The following CCDC57 variants were observed in gnomAD, a reference collection of about 807,000 sequenced individuals.
CCDC57 encodes coiled-coil domain-containing protein 57.
CCDC57 carries 118 observed loss-of-function variants against 118.9 expected under a neutral mutation model. The ratio of observed to expected loss-of-function variants is 0.99; its 90% CI spans 0.86 to 1.16. The LOEUF (loss-of-function observed/expected upper bound fraction) is 1.16, where lower values mean the gene tolerates loss of function less well. Among genes scored for constraint, CCDC57 ranks in the 50% most tolerant of loss-of-function variants. The pLI is 0.00. For synonymous variants in CCDC57, 527 were observed against 532.9 expected (o/e 0.99, Z 0.15); for missense variants, 1,300 against 1,320.7 (o/e 0.98, Z 0.24).
At chr17:82,138,634 A>AGTGGGAAGAGACGCATGGCCTGCCCCGG (rs2039590549) in intron 16 of CCDC57, among the ~76,000 whole-genome samples, 1 of 108,244 alleles carries the variant, frequency 9.2e-6, no homozygotes, top group African/African-American at 3.2e-5. Flanking sequence ...AAGACTGCCG[A>AGTGGGAAGAGACGCATGGCCTGCCCCGG]GTCGGAAGAG....
intron 2 of CCDC57, among the ~76,000 whole-genome samples, chr17:82,206,110 G>A (rs977401919): frequency 1.8e-4 from 27 of 152,226 alleles, no homozygotes; most frequent in Admixed American, 1.2e-3. Context: ...AGAAGCCGCC[G>A]GGGAGGGAAG....
chr17:82,123,982 CA>C (rs200031813), intron 19 of CCDC57, among the ~76,000 whole-genome samples: 1,687 of 64,356 alleles, frequency 0.026, 9 homozygotes, highest in East Asian at 0.1. Flanking sequence ...CATCCAAAAG[CA>C]AAAAAAAAAA....
At chr17:82,191,010 C>G (rs1172316037) in intron 7 of CCDC57, among the ~76,000 whole-genome samples, 1 of 151,828 alleles carries the variant, frequency 6.6e-6, no homozygotes, top group Non-Finnish European at 1.5e-5. Flanking sequence ...ATAATAAATT[C>G]CTGATGAAGA....
At chr17:82,207,929 C>G (rs1188563820) in exon 2 of CCDC57, 1 of 152,226 alleles carries the variant, frequency 6.6e-6, no homozygotes, top group Non-Finnish European at 1.5e-5. Context: ...GAACTGACTG[C>G]TCATGTGCTG....
chr17:82,134,222 T>C (rs745896893), intron 16 of CCDC57, 28 bp from the exon 16 acceptor site: 11 of 1,291,226 alleles, frequency 8.5e-6, no homozygotes, highest in Non-Finnish European at 1.1e-5. Flanking sequence ...ACAGAGTTTG[T>C]TCTCTGTGCA....
intron 8 of CCDC57, among the ~76,000 whole-genome samples, chr17:82,187,066 G>A (rs1209048229): frequency 6.6e-6 from 1 of 151,716 alleles, no homozygotes; most frequent in Admixed American, 6.6e-5. Flanking sequence ...GTGAAACCCC[G>A]TCTCTACTAA....
At chr17:82,158,372 C>T (rs2042921306) in intron 14 of CCDC57, among the ~76,000 whole-genome samples, 1 of 152,072 alleles carries the variant, frequency 6.6e-6, no homozygotes, top group African/African-American at 2.4e-5. Flanking sequence ...GCCAGGAAGT[C>T]GGAGGGCTGA....
In CCDC57 at chr17:82,197,243, T is replaced by G. The variant is rs181223394; in HGVS notation, c.516+1071A>C. The stretch of plus-strand genomic sequence containing the variant: ...CGCAGCCCCTCGTGACACCTGCACC[T>G]GCAGAGACGCAGCCCCTCATGACAC... On this transcript the variant is annotated intron_variant, in intron 4 of 19. Coordinates refer to ENST00000665763, the Ensembl canonical transcript of CCDC57. Among the ~76,000 whole-genome samples the G allele has an allele frequency of 9.3e-3, 1,418 of 152,004 alleles. 14 individuals carry two copies. The highest frequency in any genetic ancestry group is 0.033 in the African/African-American group (1,361 of 41,434).
Position 82,113,762 on chromosome 17 carries a change from A to G in CCDC57, c.2900-11896T>C, listed in dbSNP as rs746218249. ...AGCCTGGGTGACATAGTGAGACCCC[A>G]TTTCTACAAAAAAATAAAATAACAT... On this transcript the variant is annotated intron_variant, in intron 19 of 19. Transcript: ENST00000665763. 5.4e-5 allele frequency: 36 copies of G among 668,092 alleles called. 1 individual carries two copies. The South Asian group carries it at 5.6e-4, about 10-fold the overall frequency. The allele number at this position is 668,092 out of a possible 1,614,324, so 41.4% of individuals were successfully genotyped here. A position where few individuals can be genotyped will look rare whatever the true frequency, so the allele number is the denominator to read the frequency against.
At chr17:82,174,431 T>C (rs867672430) in intron 11 of CCDC57, among the ~76,000 whole-genome samples, 36 of 152,380 alleles carry the variant, frequency 2.4e-4, no homozygotes, top group African/African-American at 7.0e-4. Context: ...CACCTAGCCT[T>C]GTTTCTCATG....
At chr17:82,194,431 C>G (rs991899879) in intron 5 of CCDC57, among the ~76,000 whole-genome samples, 110 of 152,034 alleles carry the variant, frequency 7.2e-4, no homozygotes, top group African/African-American at 2.5e-3. Flanking sequence ...CTGCCTTAGC[C>G]TCACGAGTAG....
intron 15 of CCDC57, among the ~76,000 whole-genome samples, chr17:82,152,621 T>C (rs979015282): frequency 1.3e-5 from 2 of 152,212 alleles, no homozygotes; most frequent in Non-Finnish European, 2.9e-5. Flanking sequence ...AAAGCAGTAG[T>C]GTCCAGGCCC....
chr17:82,209,871 C>G (rs966059194), intron 1 of CCDC57, among the ~76,000 whole-genome samples: 1 of 152,108 alleles, frequency 6.6e-6, no homozygotes, highest in Non-Finnish European at 1.5e-5. Context: ...CTACTCTATC[C>G]ATTAAGAAAG....
exon 3 of CCDC57, chr17:82,201,634 T>C (rs768541647): frequency 6.2e-7 from 1 of 1,613,880 alleles, no homozygotes; most frequent in Non-Finnish European, 8.5e-7. Context: ...GGCTAGCGCC[T>C]GCCTCAGCTT....
In CCDC57 at chr17:82,127,165, C is replaced by T. The variant is rs535918689; in HGVS notation, c.2899+527G>A. On this transcript the variant is annotated intron_variant, in intron 19 of 19. Transcript: ENST00000665763. ...TTAGGTGCAGAGAAGAGTCTCAGGG[C>T]GGCAACGTCCGCGCAGCAAAGCAGG... 56 of 985,442 alleles carry T rather than the reference C, an allele frequency of 5.7e-5. No individual in the cohort carries two copies. The South Asian group carries it at 9.9e-4, about 17-fold the overall frequency. 61.0% of individuals were successfully genotyped at this position (985,442 alleles called of 1,614,324 possible).
intron 19 of CCDC57, among the ~76,000 whole-genome samples, chr17:82,120,231 TC>T (rs1367881745): frequency 1.3e-5 from 2 of 151,838 alleles, no homozygotes; most frequent in African/African-American, 2.4e-5. Flanking sequence ...GCTCAAGTGA[TC>T]CGCCCACCTC....
At chr17:82,161,999 TA>T (rs1336082757) in intron 14 of CCDC57, among the ~76,000 whole-genome samples, 2 of 119,600 alleles carry the variant, frequency 1.7e-5, no homozygotes, top group African/African-American at 2.8e-5. Flanking sequence ...TTACCACAAT[TA>T]AAAAAATTTT....
chr17:82,198,557 G>A, intron 3 of CCDC57, 135 bp from the exon 3 acceptor site: 4 of 611,244 alleles, frequency 6.5e-6, no homozygotes, highest in South Asian at 6.0e-5. Context: ...GACCCACGGG[G>A]TAGCAGAACT....
intron 1 of CCDC57, chr17:82,208,065 C>T (rs891690679): frequency 5.3e-5 from 8 of 152,086 alleles, no homozygotes; most frequent in African/African-American, 1.7e-4. Context: ...ATAAAATACA[C>T]ATAAAATAAA....
Sources: gnomAD v4.1 joint callset for allele counts (sites outside exome capture counted in the v4.1 genomes callset) on GRCh38, gnomAD v4.1.1 for gene constraint, MANE v1.5 for transcripts, NCBI Gene and HGNC (gene_info 2026-07-23, HGNC 2026-07-21) for gene names.